PTPRN2: variants seen among roughly 807,000 people sequenced by gnomAD.
PTPRN2 encodes protein tyrosine phosphatase receptor type N2, also known as receptor-type tyrosine-protein phosphatase N2.
PTPRN2 carries 74 observed loss-of-function variants against 118.8 expected under a neutral mutation model. The ratio of observed to expected loss-of-function variants is 0.62; its 90% CI spans 0.52 to 0.76. The LOEUF (loss-of-function observed/expected upper bound fraction) is 0.76. Among genes scored for constraint, PTPRN2 ranks in the 30% least tolerant of loss-of-function variants. PTPRN2 has a pLI of 0.00. For missense variants in PTPRN2, 1,481 were observed against 1,394.4 expected, an observed-to-expected ratio of 1.06 and a Z score of -0.99; for synonymous variants, 641 against 608.0, an observed-to-expected ratio of 1.05 and a Z score of -0.80.
intron 12 of PTPRN2, among the ~76,000 whole-genome samples, chr7:157,697,304 T>C (rs1198471216): frequency 1.4e-5 from 2 of 144,416 alleles, no homozygotes; most frequent in Non-Finnish European, 1.5e-5. Context: ...TACTGGGTCT[T>C]GGCAGAGCCC....
At chr7:158,332,107 C>T (rs35351773) in intron 2 of PTPRN2, among the ~76,000 whole-genome samples, 1,858 of 140,092 alleles carry the variant, frequency 0.013, 33 homozygotes, top group Middle Eastern at 0.057. Context: ...AGCTGAGGCC[C>T]ACAGAGGTCA....
intron 2 of PTPRN2, among the ~76,000 whole-genome samples, chr7:158,472,648 T>G (rs2129444354): frequency 1.3e-5 from 2 of 152,218 alleles, no homozygotes; most frequent in Middle Eastern, 3.4e-3. Flanking sequence ...CACCCATCAG[T>G]TAGAGGGAAA....
At chr7:158,482,043 T>G (rs1394827310) in intron 2 of PTPRN2, among the ~76,000 whole-genome samples, 2 of 152,176 alleles carry the variant, frequency 1.3e-5, no homozygotes, top group African/African-American at 2.4e-5. Context: ...GGAACCAGCA[T>G]TAGCAGAGCT....
chr7:157,572,546 G>A (rs1192546640), intron 19 of PTPRN2, among the ~76,000 whole-genome samples: 1 of 152,228 alleles, frequency 6.6e-6, no homozygotes, highest in East Asian at 1.9e-4. Context: ...GGGGAGGTGA[G>A]TGTCCAGTGA....
chr7:157,897,962 A>C (rs1797227568), intron 12 of PTPRN2, among the ~76,000 whole-genome samples: 1 of 152,262 alleles, frequency 6.6e-6, no homozygotes, highest in Non-Finnish European at 1.5e-5. Flanking sequence ...TCCTCAGAGG[A>C]GGCGCGTCCG....
chr7:158,275,759 G>A (rs369318859), intron 3 of PTPRN2, among the ~76,000 whole-genome samples: 79 of 152,116 alleles, frequency 5.2e-4, no homozygotes, highest in Non-Finnish European at 8.2e-4. Flanking sequence ...AGGCAGAGCC[G>A]AACTCCCAGA....
At chr7:158,163,974 G>A (rs1355775392) in intron 6 of PTPRN2, among the ~76,000 whole-genome samples, 2 of 152,168 alleles carry the variant, frequency 1.3e-5, no homozygotes, top group Non-Finnish European at 2.9e-5. Flanking sequence ...TTTACATGAG[G>A]CTTTTCTAAA....
chr7:158,236,784 A>C (rs1185952447), intron 3 of PTPRN2, among the ~76,000 whole-genome samples: 2 of 61,340 alleles, frequency 3.3e-5, no homozygotes, highest in Non-Finnish European at 6.0e-5. Context: ...CTGCCCGACC[A>C]CTCTGCTGTG....
chr7:157,569,894 T>A (rs1336360982), intron 20 of PTPRN2, among the ~76,000 whole-genome samples: 3 of 152,250 alleles, frequency 2.0e-5, no homozygotes, highest in Non-Finnish European at 2.9e-5. Context: ...AATGTTTCCA[T>A]TTCAAGACTT....
At chr7:158,104,411 TA>T (rs1815494481) in intron 10 of PTPRN2, among the ~76,000 whole-genome samples, 1 of 151,582 alleles carries the variant, frequency 6.6e-6, no homozygotes, top group African/African-American at 2.4e-5. Context: ...TGTGGATGGA[TA>T]AAAAAGTCAT....
At chr7:158,505,883 G>C (rs1822710195) in intron 1 of PTPRN2, among the ~76,000 whole-genome samples, 1 of 152,252 alleles carries the variant, frequency 6.6e-6, no homozygotes, top group Non-Finnish European at 1.5e-5. Flanking sequence ...CAGGCATCCA[G>C]TAATCCCAAG....
At chr7:158,326,953 A>G (rs554101129) in intron 2 of PTPRN2, among the ~76,000 whole-genome samples, 26 of 151,636 alleles carry the variant, frequency 1.7e-4, no homozygotes, top group African/African-American at 6.1e-4. Flanking sequence ...ATTTTCACAC[A>G]TGCACACACG....
Position 158,156,461 on chromosome 7 carries a change from G to A in PTPRN2, c.910+10470C>T, listed in dbSNP as rs139163791. ...AGACCAGAAGAGAAAATGTTTTACA[G>A]ATGTCAGAGGGTTGGGACTTCGGAG... On this transcript the variant is annotated intron_variant, in intron 6 of 22. Transcript: ENST00000389418. 3.3e-5 allele frequency among the ~76,000 whole-genome samples: 5 copies of A among 152,304 alleles called. No homozygotes were observed. The East Asian group carries it at 9.6e-4, about 29-fold the overall frequency.
chr7:157,688,754 T>A (rs1013139694), intron 12 of PTPRN2, among the ~76,000 whole-genome samples: 1 of 152,038 alleles, frequency 6.6e-6, no homozygotes, highest in African/African-American at 2.4e-5. Flanking sequence ...TCAGAACCCC[T>A]CTGTGGCACG....
At position 157,585,529 on chromosome 7, in the gene PTPRN2, C is replaced by A. The variant is rs896559010; in HGVS notation, c.2497-7389G>T. ...GGCCTTTGTGTGACCACCGTGGGTG[C>A]CTTTGTGATCAGGCATTGGACCCGC... On this transcript the variant is annotated intron_variant, in intron 17 of 22. Transcript: ENST00000389418. This position sits in a 1 kb window ranked among gnomAD's most constrained non-coding sequence, Gnocchi z 5.2. Among the ~76,000 whole-genome samples the A allele has an allele frequency of 2.0e-5, 3 of 152,184 alleles. No individual in the cohort carries two copies. Among genetic ancestry groups the A allele is most frequent in the Non-Finnish European group, 2.9e-5 (2 of 68,028 alleles).
intron 3 of PTPRN2, among the ~76,000 whole-genome samples, chr7:158,218,637 T>C (rs1432858363): frequency 3.3e-5 from 5 of 152,208 alleles, no homozygotes; most frequent in Non-Finnish European, 5.9e-5. Context: ...AGGCATAGAT[T>C]GACAAGTTGG....
intron 9 of PTPRN2, among the ~76,000 whole-genome samples, chr7:158,117,048 G>A (rs138448533): frequency 5.8e-4 from 83 of 141,940 alleles, no homozygotes; most frequent in African/African-American, 1.9e-3. Flanking sequence ...AGAAACTACA[G>A]CCCATTCAAA....
chr7:157,919,513 AC>A (rs1411232516), intron 11 of PTPRN2, among the ~76,000 whole-genome samples: 1 of 152,196 alleles, frequency 6.6e-6, no homozygotes, highest in Non-Finnish European at 1.5e-5. Flanking sequence ...TAAATAGGTA[AC>A]AAAAAACTTG....
intron 10 of PTPRN2, among the ~76,000 whole-genome samples, chr7:158,105,614 C>G (rs998295429): frequency 6.6e-6 from 1 of 151,864 alleles, no homozygotes; most frequent in Non-Finnish European, 1.5e-5. Flanking sequence ...CCATCCCAAG[C>G]TGAACCAAGC....
Sources: allele counts gnomAD v4.1 joint callset (sites outside exome capture counted in the v4.1 genomes callset), GRCh38; gene constraint gnomAD v4.1.1; non-coding constraint Gnocchi (gnomAD v3.1); transcripts MANE v1.5; gene names NCBI Gene and HGNC (gene_info 2026-07-23, HGNC 2026-07-21).